The following PDE1A variants were observed in gnomAD, a reference collection of about 807,000 sequenced individuals.
PDE1A encodes the protein dual specificity calcium/calmodulin-dependent 3',5'-cyclic nucleotide phosphodiesterase 1A.
A neutral mutation model predicts 61.7 loss-of-function variants in PDE1A; 35 were observed. The ratio of observed to expected loss-of-function variants is 0.57; its 90% CI spans 0.43 to 0.75. The LOEUF is 0.75. Among genes scored for constraint, PDE1A ranks in the 30% least tolerant of loss-of-function variants. The probability of loss-of-function intolerance (pLI) is 0.00; values close to 1 mark genes in which losing one functional copy is unlikely to be tolerated. For synonymous variants in PDE1A, 232 were observed against 213.2 expected (o/e 1.09, Z -0.77); for missense variants, 597 against 630.6 (o/e 0.95, Z 0.57).
At chr2:182,683,530 G>C in the PDE1A span, among the ~76,000 whole-genome samples, 1 of 152,130 alleles carries the variant, frequency 6.6e-6, no homozygotes, top group South Asian at 2.1e-4. Flanking sequence ...AAAAAGACAA[G>C]TACAAGACTA....
At chr2:182,340,087 T>C (rs901587519) in intron 1 of PDE1A, among the ~76,000 whole-genome samples, 1 of 152,184 alleles carries the variant, frequency 6.6e-6, no homozygotes, top group African/African-American at 2.4e-5. Context: ...GATTGTTGAA[T>C]TATGACAAGG....
intron 2 of PDE1A, among the ~76,000 whole-genome samples, chr2:182,487,545 T>C (rs1242340150): frequency 6.6e-6 from 1 of 152,154 alleles, no homozygotes; most frequent in Admixed American, 6.6e-5. Context: ...ATCTATAAAA[T>C]TGAAAACTAT....
chr2:182,202,294 T>C (rs185078654), intron 8 of PDE1A, among the ~76,000 whole-genome samples: 12 of 152,280 alleles, frequency 7.9e-5, no homozygotes, highest in Non-Finnish European at 1.3e-4. Context: ...CAAGACCCTA[T>C]CTGATTCTTC....
At chr2:182,207,026 G>A (rs1410647753) in intron 7 of PDE1A, among the ~76,000 whole-genome samples, 1 of 152,190 alleles carries the variant, frequency 6.6e-6, no homozygotes, top group Admixed American at 6.5e-5. Flanking sequence ...ATAGCAGTAT[G>A]AGAATGGACT....
At chr2:182,534,299 C>T in the PDE1A span, among the ~76,000 whole-genome samples, 1 of 151,800 alleles carries the variant, frequency 6.6e-6, no homozygotes, top group Non-Finnish European at 1.5e-5. Context: ...AAAGAATTCT[C>T]TAATGAATAG....
chr2:182,556,931 G>C, the PDE1A span, among the ~76,000 whole-genome samples: 1 of 152,324 alleles, frequency 6.6e-6, no homozygotes, highest in South Asian at 2.1e-4. Context: ...CATTTTCACT[G>C]AAAGCTGAAT....
upstream of PDE1A, among the ~76,000 whole-genome samples, chr2:182,429,296 T>C (rs548593678): frequency 6.6e-6 from 1 of 152,236 alleles, no homozygotes; most frequent in South Asian, 2.1e-4. Context: ...TCAACTTTAA[T>C]GTAGTATTCA....
At chr2:182,279,768 C>A (rs540871693) in intron 1 of PDE1A, among the ~76,000 whole-genome samples, 35 of 151,900 alleles carry the variant, frequency 2.3e-4, no homozygotes, top group Admixed American at 5.3e-4. Flanking sequence ...TCTCTGAAAT[C>A]TTTTTATAAA....
At chr2:182,487,099 G>A (rs1420442516) in intron 2 of PDE1A, among the ~76,000 whole-genome samples, 1 of 152,014 alleles carries the variant, frequency 6.6e-6, no homozygotes, top group Non-Finnish European at 1.5e-5. Flanking sequence ...TTAAAAATTG[G>A]CAAAAGAATT....
At chr2:182,585,738 A>G in the PDE1A span, among the ~76,000 whole-genome samples, 1 of 152,144 alleles carries the variant, frequency 6.6e-6, no homozygotes, top group Non-Finnish European at 1.5e-5. Flanking sequence ...GGCAAAAATA[A>G]TTTTCCTCTT....
the PDE1A span, among the ~76,000 whole-genome samples, chr2:182,676,998 C>G: frequency 0.067 from 10,222 of 152,164 alleles, 1,115 homozygotes; most frequent in African/African-American, 0.23. Context: ...CCCTTGAAAA[C>G]TGGCACAAGA....
intron 2 of PDE1A, among the ~76,000 whole-genome samples, chr2:182,495,575 C>A (rs1574797012): frequency 6.6e-6 from 1 of 152,118 alleles, no homozygotes; most frequent in East Asian, 1.9e-4. Context: ...ATTTTTAAAT[C>A]AAAGGATTAT....
At position 182,426,820 on chromosome 2, in the gene PDE1A, C is replaced by T. The variant is rs1014438801; in HGVS notation, c.-190G>A. 7.1e-6 allele frequency: 10 copies of T among 1,404,586 alleles called. No homozygotes were observed. Among genetic ancestry groups the T allele is most frequent in the Non-Finnish European group, 7.4e-6 (8 of 1,084,018 alleles). The allele number at this position is 1,404,586 out of a possible 1,614,324, so 87.0% of individuals were successfully genotyped here. A position where few individuals can be genotyped will look rare whatever the true frequency, so the allele number is the denominator to read the frequency against. ...AGCTGAGCAGTGTGTCCATAGAGGC[C>T]ACATAAGACAGGCACGTTGGGGCAC... On this transcript the variant is annotated 5_prime_UTR_variant, in exon 1 of 14. An upstream open reading frame in the 5' UTR gains an earlier in-frame stop. Coordinates refer to ENST00000351439, the Ensembl canonical transcript of PDE1A.
the PDE1A span, among the ~76,000 whole-genome samples, chr2:182,538,938 A>G: frequency 6.6e-6 from 1 of 152,202 alleles, no homozygotes; most frequent in Non-Finnish European, 1.5e-5. Flanking sequence ...CATACCTAAG[A>G]TTATGTCAAA....
chr2:182,666,257 T>A, the PDE1A span, among the ~76,000 whole-genome samples: 1 of 152,168 alleles, frequency 6.6e-6, no homozygotes, highest in Non-Finnish European at 1.5e-5. Context: ...AAAATGTACA[T>A]GCTTAAATTA....
chr2:182,341,002 G>A (rs185811809), intron 1 of PDE1A, among the ~76,000 whole-genome samples: 1 of 152,202 alleles, frequency 6.6e-6, no homozygotes, highest in Non-Finnish European at 1.5e-5. Context: ...AGCTTCGAAA[G>A]TGTAAACTGT....
the PDE1A span, among the ~76,000 whole-genome samples, chr2:182,540,845 T>A: frequency 3.3e-5 from 5 of 152,186 alleles, no homozygotes; most frequent in Non-Finnish European, 7.3e-5. Context: ...TATGTACTTG[T>A]ATTACCGTAT....
intron 1 of PDE1A, among the ~76,000 whole-genome samples, chr2:182,334,680 G>T (rs1026770481): frequency 3.3e-5 from 5 of 152,122 alleles, no homozygotes; most frequent in African/African-American, 1.2e-4. Context: ...TATTGAATGG[G>T]CAAAAGCTGG....
upstream of PDE1A, chr2:182,427,129 T>C: frequency 2.7e-6 from 1 of 369,062 alleles, no homozygotes; most frequent in Non-Finnish European, 3.8e-6. Flanking sequence ...AGCAGCCCCA[T>C]GTGAGTACCC....
Sources: gnomAD v4.1 joint callset for allele counts (sites outside exome capture counted in the v4.1 genomes callset) on GRCh38, gnomAD v4.1.1 for gene constraint, MANE v1.5 for transcripts, NCBI Gene and HGNC (gene_info 2026-07-23, HGNC 2026-07-21) for gene names.